The following MMP16 variants were observed in gnomAD, a reference collection of about 807,000 sequenced individuals.
MMP16 encodes the protein matrix metallopeptidase 16, also known as matrix metalloproteinase-16.
Under a neutral mutation model 67.8 loss-of-function variants are expected in MMP16, and 12 were observed. That is an observed-to-expected ratio of 0.18 (90% confidence interval 0.11 to 0.29). The LOEUF (loss-of-function observed/expected upper bound fraction) is 0.29. Among genes scored for constraint, MMP16 ranks in the 10% least tolerant of loss-of-function variants. MMP16 has a pLI of 1.00. For missense variants in MMP16, 475 were observed against 765.7 expected (o/e 0.62, Z 4.48); for synonymous variants, 249 against 255.9 (o/e 0.97, Z 0.26).
intron 6 of MMP16, among the ~76,000 whole-genome samples, chr8:88,093,523 G>A (rs1808974894): frequency 6.6e-6 from 1 of 151,712 alleles, no homozygotes. Context: ...GAATGAACTG[G>A]CCAGCCACCT....
chr8:88,116,478 T>C (rs1366090731), intron 6 of MMP16, 29 bp downstream of exon 6: 1 of 1,567,418 alleles, frequency 6.4e-7, no homozygotes, highest in Admixed American at 1.7e-5. Flanking sequence ...TGATCTACTG[T>C]TAAAAAAAAA....
intron 1 of MMP16, among the ~76,000 whole-genome samples, chr8:88,200,204 T>G (rs1382199860): frequency 2.0e-5 from 3 of 151,884 alleles, no homozygotes; most frequent in African/African-American, 7.2e-5. Context: ...GGAATCAGAG[T>G]GCTTGAAAAC....
chr8:88,172,735 G>A (rs1808826220), intron 3 of MMP16, among the ~76,000 whole-genome samples: 1 of 151,942 alleles, frequency 6.6e-6, no homozygotes, highest in Non-Finnish European at 1.5e-5. Context: ...TTCATTTTTT[G>A]AAGTATATCT....
chr8:88,063,564 C>T (rs1220011712), intron 7 of MMP16, among the ~76,000 whole-genome samples: 4 of 150,544 alleles, frequency 2.7e-5, no homozygotes, highest in African/African-American at 9.8e-5. Context: ...TTGAACTGAG[C>T]CACTGTTAAT....
chr8:88,095,864 C>T (rs769436439), intron 6 of MMP16, among the ~76,000 whole-genome samples: 9 of 151,944 alleles, frequency 5.9e-5, no homozygotes, highest in South Asian at 2.1e-4. Flanking sequence ...AAAAGCTAGG[C>T]GCTATGCTAG....
chr8:88,074,668 C>T lies in MMP16; in HGVS notation c.1159G>A (p.Gly387Ser), dbSNP rs1419628498. 1 of 1,613,672 alleles carries T rather than the reference C, an allele frequency of 6.2e-7. No homozygotes were observed. Among genetic ancestry groups the T allele is most frequent in the Middle Eastern group, 1.7e-4 (1 of 6,056 alleles). The change falls in exon 7 of 10, where the codon GGC becomes AGC. Residue 387 changes from glycine to serine, a missense_variant. Gly to Ser is a moderately conservative substitution (Grantham distance 56). Coordinates refer to ENST00000286614, the MANE Select transcript of MMP16 (RefSeq NM_005941.5). ...ACTGCATCGATACTAGGAGGCAAGC[C>T]CCGCCAGAAGTAAGTAATTTGCATT... ...YPMQITYFWR[G>S]LPPSIDAVYE...
At chr8:88,077,569 C>A (rs1461708684) in intron 6 of MMP16, among the ~76,000 whole-genome samples, 1 of 152,164 alleles carries the variant, frequency 6.6e-6, no homozygotes, top group Non-Finnish European at 1.5e-5. Context: ...TATAAGCTCT[C>A]TGATGGCAAG....
intron 1 of MMP16, among the ~76,000 whole-genome samples, chr8:88,326,591 T>G (rs1175773813): frequency 6.6e-6 from 1 of 152,102 alleles, no homozygotes; most frequent in African/African-American, 2.4e-5. Flanking sequence ...CAAAGTAATG[T>G]TATTAAACAC....
intron 1 of MMP16, among the ~76,000 whole-genome samples, chr8:88,223,424 CA>C (rs1192941497): frequency 1.3e-5 from 2 of 151,890 alleles, no homozygotes; most frequent in Non-Finnish European, 2.9e-5. Flanking sequence ...TTCACAATAG[CA>C]AAGACTTGGA....
intron 4 of MMP16, among the ~76,000 whole-genome samples, chr8:88,138,726 C>T (rs957587639): frequency 2.6e-5 from 4 of 152,072 alleles, no homozygotes; most frequent in Non-Finnish European, 5.9e-5. Flanking sequence ...TATGTAAGCT[C>T]ACCTTTCTTT....
chr8:88,204,891 C>T (rs1009174603), intron 1 of MMP16, among the ~76,000 whole-genome samples: 11 of 152,120 alleles, frequency 7.2e-5, no homozygotes, highest in Non-Finnish European at 1.5e-5. Context: ...TTCCATCATG[C>T]ACTACTGAAG....
At chr8:88,083,553 T>A (rs962493227) in intron 6 of MMP16, among the ~76,000 whole-genome samples, 5 of 152,104 alleles carry the variant, frequency 3.3e-5, no homozygotes, top group Admixed American at 6.6e-5. Context: ...TGAATAAATT[T>A]AAGAGTTCGA....
intron 7 of MMP16, among the ~76,000 whole-genome samples, chr8:88,066,734 T>C (rs946754921): frequency 6.6e-6 from 1 of 151,876 alleles, no homozygotes; most frequent in African/African-American, 2.4e-5. Flanking sequence ...ACCCCACACA[T>C]GTCTACACAT....
intron 1 of MMP16, among the ~76,000 whole-genome samples, chr8:88,310,486 A>G (rs1298833559): frequency 1.3e-5 from 2 of 152,160 alleles, no homozygotes; most frequent in Admixed American, 1.3e-4. Context: ...AAGGACAACT[A>G]TTGAAATGGA....
chr8:88,119,038 T>C (rs1288714881), intron 4 of MMP16, among the ~76,000 whole-genome samples, 177 bp from the exon 5 acceptor site: 1 of 151,774 alleles, frequency 6.6e-6, no homozygotes, highest in Non-Finnish European at 1.5e-5. Context: ...TAACCTTTTT[T>C]CAAAAAAGGG....
intron 1 of MMP16, among the ~76,000 whole-genome samples, chr8:88,206,121 CT>C (rs1161362771): frequency 2.0e-5 from 3 of 151,986 alleles, no homozygotes; most frequent in African/African-American, 7.2e-5. Flanking sequence ...GGTAAGTTGC[CT>C]TTTTTTAAAT....
rs558615964 is a variant in MMP16, at chr8:88,253,357, GA to G, written c.133-56052del. On this transcript the variant is annotated intron_variant, in intron 1 of 9. Transcript: ENST00000286614. ...CAAAGAGTATAATACACACAGATAG[GA>G]AAAAGAGTAATCTTACAGTAGGGAA... Among the ~76,000 whole-genome samples the G allele has an allele frequency of 1.8e-4, 27 of 152,124 alleles. 1 individual carries two copies. The South Asian group carries it at 5.6e-3, about 32-fold the overall frequency.
rs570905941 is a variant in MMP16, at chr8:88,190,794, A to G, written c.282-4196T>C. Among the ~76,000 whole-genome samples, 562 of 152,244 alleles carry G rather than the reference A, an allele frequency of 3.7e-3. 4 individuals are homozygous for G. Among genetic ancestry groups the G allele is most frequent in the African/African-American group, 0.013 (532 of 41,544 alleles). ...AAAATCTAGTCACCACCTTTTTTTT[A>G]AAGCTTTCAATAATGTTATTTTCAG... On this transcript the variant is annotated intron_variant, in intron 2 of 9. Transcript: ENST00000286614.
intron 4 of MMP16, among the ~76,000 whole-genome samples, chr8:88,148,671 T>A (rs1400862695): frequency 6.6e-6 from 1 of 152,236 alleles, no homozygotes; most frequent in Non-Finnish European, 1.5e-5. Flanking sequence ...GAGATATCCT[T>A]ACTGAATGTG....
Sources: gnomAD v4.1 joint callset for allele counts (sites outside exome capture counted in the v4.1 genomes callset) on GRCh38, gnomAD v4.1.1 for gene constraint, MANE v1.5 for transcripts, NCBI Gene and HGNC (gene_info 2026-07-23, HGNC 2026-07-21) for gene names.